The following OSBPL10 variants were observed in gnomAD, a reference collection of about 807,000 sequenced individuals.
The protein encoded by OSBPL10 is oxysterol-binding protein-related protein 10.
OSBPL10 carries 49 observed loss-of-function variants against 81.7 expected under a neutral mutation model. The ratio of observed to expected loss-of-function variants is 0.60; its 90% CI spans 0.48 to 0.76. OSBPL10 has a LOEUF of 0.76. Among genes scored for constraint, OSBPL10 ranks in the 30% least tolerant of loss-of-function variants. The probability of loss-of-function intolerance (pLI) is 0.00; values close to 1 mark genes in which losing one functional copy is unlikely to be tolerated. For synonymous variants in OSBPL10, 419 were observed against 383.6 expected (o/e 1.09, Z -1.08); for missense variants, 923 against 987.8 (o/e 0.93, Z 0.88).
chr3:31,964,934 A>T (rs1327949230), intron 1 of OSBPL10, among the ~76,000 whole-genome samples: 2 of 152,196 alleles, frequency 1.3e-5, no homozygotes, highest in Non-Finnish European at 2.9e-5. Flanking sequence ...TCAAATAAAA[A>T]TTTTTAAAGT....
intron 4 of OSBPL10, among the ~76,000 whole-genome samples, chr3:31,824,359 T>A (rs1700052309): frequency 6.6e-6 from 1 of 152,142 alleles, no homozygotes; most frequent in Admixed American, 6.6e-5. Flanking sequence ...CAATTTAACC[T>A]AAATTGTGCT....
In OSBPL10 at chr3:31,685,873, C is replaced by T. The variant is rs1311172365; in HGVS notation, c.1246-1759G>A. On this transcript the variant is annotated intron_variant, in intron 7 of 11. Transcript: ENST00000396556. ...GATGCTGCTGTGGTCTGAGTTTGTC[C>T]TCTCCCAAATGTGTGTTGCAATTTG... is the stretch of plus-strand genomic sequence containing the variant. Among the ~76,000 whole-genome samples, 4 of 152,274 alleles carry T rather than the reference C, an allele frequency of 2.6e-5. No homozygotes were observed. The East Asian group carries it at 7.7e-4, about 29-fold the overall frequency.
chr3:31,670,149 CCT>C (rs1293752645), intron 9 of OSBPL10, among the ~76,000 whole-genome samples: 4 of 152,244 alleles, frequency 2.6e-5, no homozygotes, highest in South Asian at 4.1e-4. Flanking sequence ...TCCACGTGCC[CCT>C]GTGACACTCT....
chr3:31,799,721 C>T (rs1699329733), intron 4 of OSBPL10, among the ~76,000 whole-genome samples: 3 of 152,170 alleles, frequency 2.0e-5, no homozygotes, highest in African/African-American at 7.2e-5. Context: ...AAATCGTAAG[C>T]AGCAGTACCA....
intron 4 of OSBPL10, among the ~76,000 whole-genome samples, chr3:31,821,654 C>T (rs1699984771): frequency 6.6e-6 from 1 of 152,136 alleles, no homozygotes; most frequent in African/African-American, 2.4e-5. Context: ...ACTAAAAATA[C>T]ATTTTATGGT....
At chr3:31,974,857 A>C (rs776564520) in intron 1 of OSBPL10, among the ~76,000 whole-genome samples, 11 of 152,218 alleles carry the variant, frequency 7.2e-5, no homozygotes, top group Non-Finnish European at 1.5e-4. Context: ...TTCTGAATGT[A>C]GATTAGACTT....
intron 3 of OSBPL10, among the ~76,000 whole-genome samples, chr3:31,832,247 A>G (rs1700263745): frequency 6.6e-6 from 1 of 152,246 alleles, no homozygotes; most frequent in African/African-American, 2.4e-5. Flanking sequence ...ATATAAAACT[A>G]TAAAGTGGCT....
At chr3:31,745,235 G>T (rs1015021640) in intron 5 of OSBPL10, among the ~76,000 whole-genome samples, 1 of 152,176 alleles carries the variant, frequency 6.6e-6, no homozygotes, top group African/African-American at 2.4e-5. Context: ...GACTATACTC[G>T]TTAATTTACT....
At chr3:31,830,300 T>C in intron 3 of OSBPL10, 69 bp from the exon 4 acceptor site, 1 of 1,465,920 alleles carries the variant, frequency 6.8e-7, no homozygotes, top group Non-Finnish European at 9.3e-7. Flanking sequence ...TTGGCTTCTA[T>C]TCATTTTGGA....
intron 2 of OSBPL10, among the ~76,000 whole-genome samples, chr3:32,016,990 T>G (rs898885935): frequency 5.9e-5 from 9 of 152,214 alleles, no homozygotes; most frequent in African/African-American, 2.2e-4. Context: ...CTTGAAAATA[T>G]CATTACTTTG....
intron 6 of OSBPL10, among the ~76,000 whole-genome samples, chr3:31,726,042 G>T (rs951705400): frequency 2.0e-5 from 3 of 152,124 alleles, no homozygotes; most frequent in Admixed American, 2.0e-4. Context: ...GTACATCGGG[G>T]TATAGCAGAC....
At chr3:31,903,705 G>C (rs1696321152) in intron 1 of OSBPL10, among the ~76,000 whole-genome samples, 1 of 152,120 alleles carries the variant, frequency 6.6e-6, no homozygotes, top group Admixed American at 6.5e-5. Flanking sequence ...ATCAGCAGCA[G>C]AGGCAATAGG....
chr3:31,695,842 C>T (rs972041315), intron 7 of OSBPL10, among the ~76,000 whole-genome samples: 1 of 152,168 alleles, frequency 6.6e-6, no homozygotes, highest in African/African-American at 2.4e-5. Flanking sequence ...TCCTGCTTTT[C>T]TCACTGGGTA....
intron 4 of OSBPL10, among the ~76,000 whole-genome samples, chr3:31,820,909 G>C (rs1699968563): frequency 6.6e-6 from 1 of 152,134 alleles, no homozygotes; most frequent in African/African-American, 2.4e-5. Flanking sequence ...TTTTTGCTGA[G>C]CATCTTTCAA....
At chr3:31,970,949 G>C (rs1169691616) in intron 1 of OSBPL10, among the ~76,000 whole-genome samples, 1 of 152,064 alleles carries the variant, frequency 6.6e-6, no homozygotes, top group Non-Finnish European at 1.5e-5. Flanking sequence ...CCCTGCTGAA[G>C]CCTTTGTCTG....
chr3:32,071,891 T>C (rs1458400678), intron 1 of OSBPL10, among the ~76,000 whole-genome samples: 3 of 152,170 alleles, frequency 2.0e-5, no homozygotes, highest in Non-Finnish European at 4.4e-5. Flanking sequence ...CATTTCCCCA[T>C]ATTTCCTTCT....
At chr3:31,968,580 C>G (rs1049901147) in intron 1 of OSBPL10, among the ~76,000 whole-genome samples, 14 of 151,430 alleles carry the variant, frequency 9.2e-5, no homozygotes, top group African/African-American at 3.4e-4. Flanking sequence ...GGTCTACTTT[C>G]TTTGATACAA....
At chr3:32,000,945 T>C (rs1250823785) in intron 2 of OSBPL10, among the ~76,000 whole-genome samples, 1 of 152,208 alleles carries the variant, frequency 6.6e-6, no homozygotes, top group Non-Finnish European at 1.5e-5. Context: ...AAGAAAAGAC[T>C]GTCCTTAACC....
intron 6 of OSBPL10, chr3:31,718,040 C>T (rs1696508880): frequency 6.6e-6 from 1 of 152,082 alleles, no homozygotes; most frequent in African/African-American, 2.4e-5. Flanking sequence ...CAACTGTGCT[C>T]AGGTAGGACC....
Sources: gnomAD v4.1 joint callset for allele counts (sites outside exome capture counted in the v4.1 genomes callset) on GRCh38, gnomAD v4.1.1 for gene constraint, MANE v1.5 for transcripts, NCBI Gene and HGNC (gene_info 2026-07-23, HGNC 2026-07-21) for gene names.